CHRNB3: variants seen among roughly 807,000 people sequenced by gnomAD.
CHRNB3 encodes the protein cholinergic receptor nicotinic beta 3 subunit, also known as neuronal acetylcholine receptor subunit beta-3.
In CHRNB3, 37 loss-of-function variants were observed where a neutral mutation model predicts 40.6. The ratio of observed to expected loss-of-function variants is 0.91; its 90% confidence interval spans 0.70 to 1.20. CHRNB3 has a LOEUF of 1.20. CHRNB3 is among the 50% of genes most tolerant of loss of function. The probability of loss-of-function intolerance (pLI) is 0.00; values close to 1 mark genes in which losing one functional copy is unlikely to be tolerated. For missense variants in CHRNB3, 505 were observed against 551.2 expected (o/e 0.92, Z 0.84); for synonymous variants, 207 against 207.1 (o/e 1.00, Z 0.00).
chr8:42,736,046 A>G (rs558565082), intron 5 of CHRNB3, among the ~76,000 whole-genome samples: 10 of 152,170 alleles, frequency 6.6e-5, no homozygotes, highest in Non-Finnish European at 1.2e-4. Context: ...TTGTATTTTT[A>G]GTAGAGAGGG....
intron 1 of CHRNB3, among the ~76,000 whole-genome samples, 163 bp from the exon 2 acceptor site, chr8:42,708,554 C>T (rs1314587673): frequency 1.3e-5 from 2 of 151,928 alleles, no homozygotes; most frequent in African/African-American, 2.4e-5. Context: ...TGGGAGTGGA[C>T]GTGGAGACTC....
chr8:42,718,609 C>T (rs1348686100), intron 3 of CHRNB3, among the ~76,000 whole-genome samples: 2 of 139,746 alleles, frequency 1.4e-5, no homozygotes, highest in Non-Finnish European at 3.0e-5. Flanking sequence ...GGAGGCAGAG[C>T]TTGCAGTGAG....
At chr8:42,730,400 G>C (rs545919747) in intron 3 of CHRNB3, among the ~76,000 whole-genome samples, 194 bp from the exon 4 acceptor site, 17 of 152,298 alleles carry the variant, frequency 1.1e-4, no homozygotes, top group African/African-American at 4.1e-4. Flanking sequence ...GTGTGGGCCT[G>C]GGTGAGATCA....
At chr8:42,721,031 T>A (rs1816210863) in intron 3 of CHRNB3, among the ~76,000 whole-genome samples, 1 of 152,228 alleles carries the variant, frequency 6.6e-6, no homozygotes, top group Non-Finnish European at 1.5e-5. Flanking sequence ...TCATTAGCTG[T>A]GCTCACTAAA....
chr8:42,719,811 A>G (rs926709090), intron 3 of CHRNB3, among the ~76,000 whole-genome samples: 1 of 152,166 alleles, frequency 6.6e-6, no homozygotes, highest in African/African-American at 2.4e-5. Flanking sequence ...TCCAAGTTGT[A>G]CAGCTAGTAA....
chr8:42,722,271 A>C (rs1024008729), intron 3 of CHRNB3, among the ~76,000 whole-genome samples: 4 of 152,088 alleles, frequency 2.6e-5, no homozygotes, highest in Non-Finnish European at 5.9e-5. Context: ...AGGCTGGGGC[A>C]GGAGAATGGC....
chr8:42,726,028 T>A, intron 3 of CHRNB3: 1 of 986,178 alleles, frequency 1.0e-6, no homozygotes, highest in Non-Finnish European at 1.6e-6. Flanking sequence ...GTCTGAGACG[T>A]ACCTTGTCAC....
intron 3 of CHRNB3, among the ~76,000 whole-genome samples, chr8:42,726,477 T>C (rs1360477102): frequency 9.0e-6 from 1 of 111,386 alleles, no homozygotes; most frequent in Non-Finnish European, 1.8e-5. Context: ...AAAAATTAAA[T>C]GACTTTTTTT....
At chr8:42,717,524 C>T (rs1023065917) in intron 3 of CHRNB3, among the ~76,000 whole-genome samples, 1 of 151,112 alleles carries the variant, frequency 6.6e-6, no homozygotes, top group Non-Finnish European at 1.5e-5. Context: ...CAGATCTTTA[C>T]TCATGATCTG....
chr8:42,709,310 T>C (rs555567470), intron 2 of CHRNB3, among the ~76,000 whole-genome samples: 2 of 152,140 alleles, frequency 1.3e-5, no homozygotes, highest in East Asian at 3.9e-4. Context: ...ATTCCTGCTG[T>C]CCCTAGGCAG....
chr8:42,730,342 C>G (rs1386120451), intron 3 of CHRNB3, among the ~76,000 whole-genome samples: 1 of 152,130 alleles, frequency 6.6e-6, no homozygotes, highest in East Asian at 1.9e-4. Flanking sequence ...AGAGCCTCTT[C>G]ATGGTGAGGC....
Position 42,731,937 on chromosome 8 carries a change from G to A in CHRNB3, c.630G>A (p.Lys210=). The part of the protein sequence containing the change: ...EWEILNAKGM[K]GNRRDGVYSY... ...AAATACTGAACGCAAAGGGGATGAA[G>A]GGGAACAGAAGGGACGGCGTGTACT... The change falls in exon 5 of 6, where the codon AAG becomes AAA. Residue 210 remains lysine (K), a synonymous_variant. Coordinates refer to ENST00000289957, the MANE Select transcript of CHRNB3 (RefSeq NM_000749.5). 6.2e-7 allele frequency: 1 copy of A among 1,614,174 alleles called. No homozygotes were observed. Among genetic ancestry groups the A allele is most frequent in the South Asian group, 1.1e-5 (1 of 91,084 alleles).
chr8:42,708,917 T>A, intron 2 of CHRNB3, 49 bp downstream of exon 2: 1 of 1,505,768 alleles, frequency 6.6e-7, no homozygotes, highest in African/African-American at 1.4e-5. Flanking sequence ...TTCCTTAACC[T>A]GTTTATGAGT....
At chr8:42,698,151 G>A (rs970576776) in intron 1 of CHRNB3, among the ~76,000 whole-genome samples, 1 of 152,058 alleles carries the variant, frequency 6.6e-6, no homozygotes, top group Non-Finnish European at 1.5e-5. Flanking sequence ...TGAAAATAGA[G>A]GAATTTTTGA....
chr8:42,705,050 C>G (rs1201787731), intron 1 of CHRNB3, among the ~76,000 whole-genome samples: 2 of 152,182 alleles, frequency 1.3e-5, no homozygotes, highest in African/African-American at 2.4e-5. Flanking sequence ...GTTTTCAAGA[C>G]AGATAAGTGG....
intron 5 of CHRNB3, 90 bp from the exon 6 acceptor site, chr8:42,736,394 T>G: frequency 6.8e-7 from 1 of 1,470,382 alleles, no homozygotes. Context: ...ATGCTATAAA[T>G]CTGAATGTTA....
intron 3 of CHRNB3, among the ~76,000 whole-genome samples, chr8:42,720,263 G>A (rs772602406): frequency 1.8e-4 from 27 of 151,498 alleles, no homozygotes; most frequent in Non-Finnish European, 3.4e-4. Context: ...CTACAGGCGT[G>A]TGCCACCATG....
At chr8:42,736,066 A>G (rs1816518198) in intron 5 of CHRNB3, among the ~76,000 whole-genome samples, 1 of 151,998 alleles carries the variant, frequency 6.6e-6, no homozygotes. Context: ...GAGTTTCACC[A>G]TGTTGGCCAG....
chr8:42,720,403 C>T (rs76775005), intron 3 of CHRNB3, among the ~76,000 whole-genome samples: 7 of 151,960 alleles, frequency 4.6e-5, no homozygotes, highest in Admixed American at 1.3e-4. Context: ...CATGAGCCAC[C>T]GCGCCCAGCC....
Sources: allele counts gnomAD v4.1 joint callset (sites outside exome capture counted in the v4.1 genomes callset), GRCh38; gene constraint gnomAD v4.1.1; transcripts MANE v1.5; gene names NCBI Gene and HGNC (gene_info 2026-07-23, HGNC 2026-07-21).